Variants in GPC3 observed in about 807,000 individuals in gnomAD.
GPC3 encodes the protein glypican-3.
Under a neutral mutation model 34.4 loss-of-function variants are expected in GPC3, and 3 were observed. The observed-to-expected ratio is 0.09, with a 90% CI of 0.04 to 0.23. GPC3 has a LOEUF of 0.23. Ranked by LOEUF, GPC3 falls within the 10% of genes least tolerant of loss-of-function variation. The pLI is 1.00. For synonymous variants in GPC3, 177 were observed against 174.0 expected, an observed-to-expected ratio of 1.02 and a Z score of -0.13; for missense variants, 351 against 445.6, an observed-to-expected ratio of 0.79 and a Z score of 1.91.
At chrX:133,891,106 G>T (rs1465503600) in intron 2 of GPC3, among the ~76,000 whole-genome samples, 1 of 111,160 alleles carries the variant, frequency 9.0e-6, no homozygotes, top group Non-Finnish European at 1.9e-5. Flanking sequence ...GCCATAAAAA[G>T]GAATGAAGTT....
intron 7 of GPC3, among the ~76,000 whole-genome samples, chrX:133,563,333 C>T (rs756600949): frequency 4.5e-5 from 5 of 111,255 alleles, no homozygotes; most frequent in African/African-American, 1.6e-4. Flanking sequence ...TGGGCTCAGG[C>T]GATCTTCCTG....
chrX:133,600,960 T>C (rs1373657347), intron 6 of GPC3, among the ~76,000 whole-genome samples: 1 of 112,259 alleles, frequency 8.9e-6, no homozygotes. Flanking sequence ...TGATTATCAA[T>C]GTAAACGATC....
intron 2 of GPC3, among the ~76,000 whole-genome samples, chrX:133,931,644 A>G (rs768168622): frequency 8.9e-6 from 1 of 112,044 alleles, no homozygotes; most frequent in Admixed American, 9.5e-5. Flanking sequence ...ACCCTCTAGC[A>G]TAGTGGCACA....
chrX:133,676,126 A>AG (rs1260532396), intron 5 of GPC3, among the ~76,000 whole-genome samples: 3 of 112,200 alleles, frequency 2.7e-5, no homozygotes, highest in Non-Finnish European at 5.6e-5. Context: ...GTGCTGGTGC[A>AG]GGGGGGCTGC....
intron 2 of GPC3, among the ~76,000 whole-genome samples, chrX:133,792,060 T>TA (rs201610347): frequency 0.014 from 1,515 of 109,553 alleles, 24 homozygotes; most frequent in African/African-American, 0.047. Flanking sequence ...TTTGTATTTT[T>TA]AGTAGACAGG....
intron 2 of GPC3, among the ~76,000 whole-genome samples, chrX:133,842,403 T>A (rs1458533383): frequency 9.3e-6 from 1 of 107,683 alleles, no homozygotes; most frequent in Non-Finnish European, 1.9e-5. Flanking sequence ...ATGTATTACA[T>A]TATATATAAT....
chrX:133,638,824 A>AAAAAAAAAAAAG (rs1424543615), intron 6 of GPC3, among the ~76,000 whole-genome samples: 1,624 of 105,790 alleles, frequency 0.015, 41 homozygotes, highest in African/African-American at 0.056. Context: ...GATGAGCTAA[A>AAAAAAAAAAAAG]AAAAAAAAAA....
intron 2 of GPC3, among the ~76,000 whole-genome samples, chrX:133,826,077 CA>C (rs1285946898): frequency 9.0e-6 from 1 of 111,233 alleles, no homozygotes; most frequent in Non-Finnish European, 1.9e-5. Flanking sequence ...CCAGAGTTAC[CA>C]CATTATATTA....
chrX:133,888,849 T>C (rs1252973523), intron 2 of GPC3, among the ~76,000 whole-genome samples: 12 of 112,340 alleles, frequency 1.1e-4, no homozygotes, highest in Non-Finnish European at 1.9e-5. Flanking sequence ...GCAGTCAGAA[T>C]GGCTGTATGT....
intron 3 of GPC3, among the ~76,000 whole-genome samples, chrX:133,714,473 G>A (rs2071296858): frequency 9.0e-6 from 1 of 110,507 alleles, no homozygotes; most frequent in Non-Finnish European, 1.9e-5. Context: ...TAACTCCATC[G>A]ACATCTCTTT....
chrX:133,577,785 C>T (rs993301654), intron 7 of GPC3, among the ~76,000 whole-genome samples: 4 of 111,711 alleles, frequency 3.6e-5, no homozygotes, highest in East Asian at 2.8e-4. Flanking sequence ...CTTCCAAGAA[C>T]GATAAATCCT....
intron 1 of GPC3, among the ~76,000 whole-genome samples, chrX:133,974,919 T>C (rs1423576479): frequency 9.0e-6 from 1 of 111,438 alleles, no homozygotes; most frequent in Non-Finnish European, 1.9e-5. Context: ...CTCAATCTGT[T>C]TGAAACCAAA....
intron 6 of GPC3, among the ~76,000 whole-genome samples, chrX:133,612,038 C>A (rs1240863319): frequency 1.8e-5 from 2 of 112,087 alleles, no homozygotes; most frequent in African/African-American, 6.5e-5. Context: ...TAAGCTGATA[C>A]CTTAATTAAT....
intron 7 of GPC3, among the ~76,000 whole-genome samples, chrX:133,558,762 G>C (rs1389747201): frequency 9.2e-6 from 1 of 108,645 alleles, no homozygotes; most frequent in Non-Finnish European, 1.9e-5. Flanking sequence ...ATGGTAGCAG[G>C]GCCTGCAATC....
At chrX:133,627,440 A>C (rs1401747758) in intron 6 of GPC3, among the ~76,000 whole-genome samples, 2 of 111,881 alleles carry the variant, frequency 1.8e-5, no homozygotes, top group Non-Finnish European at 3.8e-5. Flanking sequence ...ATTCATTCCT[A>C]CCGTTAATAT....
intron 3 of GPC3, among the ~76,000 whole-genome samples, chrX:133,726,772 C>T (rs1157919794): frequency 8.9e-6 from 1 of 112,032 alleles, no homozygotes. Context: ...AAAAAACAAA[C>T]CGAGTGGCCA....
At chrX:133,677,280 C>T (rs1307926092) in intron 5 of GPC3, among the ~76,000 whole-genome samples, 1 of 111,029 alleles carries the variant, frequency 9.0e-6, no homozygotes, top group African/African-American at 3.3e-5. Flanking sequence ...ATGATTATAC[C>T]CTGGGGTTCC....
intron 2 of GPC3, among the ~76,000 whole-genome samples, chrX:133,915,248 A>G (rs958280827): frequency 9.1e-6 from 1 of 109,940 alleles, no homozygotes; most frequent in Non-Finnish European, 1.9e-5. Flanking sequence ...ATCTCAGCTC[A>G]CTGCAACCTC....
intron 7 of GPC3, 107 bp downstream of exon 7, chrX:133,596,333 T>C (rs1455371568): frequency 2.2e-5 from 15 of 693,143 alleles, no homozygotes; most frequent in Non-Finnish European, 3.5e-5. Context: ...GATGAGATTG[T>C]GTGTTGCAGG....
Sources: gnomAD v4.1 joint callset for allele counts (sites outside exome capture counted in the v4.1 genomes callset) on GRCh38, gnomAD v4.1.1 for gene constraint, MANE v1.5 for transcripts, NCBI Gene and HGNC (gene_info 2026-07-23, HGNC 2026-07-21) for gene names.